CSRNP3: variants seen among roughly 807,000 people sequenced by gnomAD.
The protein encoded by CSRNP3 is cysteine and serine rich nuclear protein 3, also known as cysteine/serine-rich nuclear protein 3.
Under a neutral mutation model 48.0 loss-of-function variants are expected in CSRNP3, and 12 were observed. The observed-to-expected ratio is 0.25, with a 90% confidence interval of 0.16 to 0.41. The LOEUF (loss-of-function observed/expected upper bound fraction) is 0.41, where lower values mean the gene tolerates loss of function less well. Ranked by LOEUF, CSRNP3 falls within the 10% of genes least tolerant of loss-of-function variation. The pLI is 1.00. For missense variants in CSRNP3, 580 were observed against 724.4 expected, an observed-to-expected ratio of 0.80 and a Z score of 2.29; for synonymous variants, 263 against 269.7, an observed-to-expected ratio of 0.98 and a Z score of 0.24.
At chr2:165,561,844 G>A (rs1685236558) in intron 3 of CSRNP3, among the ~76,000 whole-genome samples, 1 of 151,940 alleles carries the variant, frequency 6.6e-6, no homozygotes, top group African/African-American at 2.4e-5. Context: ...AACTGGGATG[G>A]GCAGGGGATT....
intron 3 of CSRNP3, among the ~76,000 whole-genome samples, chr2:165,526,039 A>G (rs1684728639): frequency 6.6e-6 from 1 of 152,314 alleles, no homozygotes. Flanking sequence ...TTGTCAGAAA[A>G]TCAATCACAT....
Position 165,683,697 on chromosome 2 carries a change from G to C in CSRNP3, c.*3944G>C, listed in dbSNP as rs910810304. 2 of 152,000 alleles carry C rather than the reference G, an allele frequency of 1.3e-5. No individual in the cohort carries two copies. Among genetic ancestry groups the C allele is most frequent in the Non-Finnish European group, 2.9e-5 (2 of 67,970 alleles). 9.4% of individuals were successfully genotyped at this position (152,000 alleles called of 1,614,324 possible). ...TGTGTTAGAACAACTGTCTTGGGTA[G>C]TAAAAAGAGGGGAACACTACAAATT... On this transcript the variant is annotated 3_prime_UTR_variant, in exon 7 of 7. Transcript: ENST00000651982.
chr2:165,587,693 A>G (rs1685654133), intron 3 of CSRNP3, among the ~76,000 whole-genome samples: 2 of 152,204 alleles, frequency 1.3e-5, no homozygotes, highest in South Asian at 2.1e-4. Flanking sequence ...TGCATGAACT[A>G]GTCCAGTGTT....
At position 165,681,594 on chromosome 2, in the gene CSRNP3, C is replaced by G. The variant is rs1687539386; in HGVS notation, c.*1841C>G. On this transcript the variant is annotated 3_prime_UTR_variant, in exon 7 of 7. Transcript: ENST00000651982. ...CCTACATTGGGCCAAATTTATAACTCTTAATATTAACATTAAAAGAGCTTT... is the reference window on the plus strand; with the variant it reads ...CCTACATTGGGCCAAATTTATAACTGTTAATATTAACATTAAAAGAGCTTT... 1 of 151,084 alleles carries G rather than the reference C, an allele frequency of 6.6e-6. No homozygotes were observed. Among genetic ancestry groups the G allele is most frequent in the Admixed American group, 6.6e-5 (1 of 15,118 alleles). 9.4% of individuals were successfully genotyped at this position (151,084 alleles called of 1,614,324 possible). A position where few individuals can be genotyped will look rare whatever the true frequency, so the allele number is the denominator to read the frequency against.
intron 4 of CSRNP3, among the ~76,000 whole-genome samples, chr2:165,621,569 G>C (rs1306870169): frequency 6.6e-6 from 1 of 152,096 alleles, no homozygotes; most frequent in East Asian, 1.9e-4. Flanking sequence ...TTTTTAAAAG[G>C]AGTGTGGACC....
intron 3 of CSRNP3, among the ~76,000 whole-genome samples, chr2:165,520,783 T>TTATATACATATATATATA (rs1553472387): frequency 1.3e-4 from 4 of 29,692 alleles, no homozygotes; most frequent in Admixed American, 9.7e-4. Context: ...TATATATATA[T>TTATATACATATATATATA]TATATATATA....
chr2:165,640,940 CT>C (rs1322154449), intron 4 of CSRNP3, among the ~76,000 whole-genome samples: 1 of 152,112 alleles, frequency 6.6e-6, no homozygotes, highest in African/African-American at 2.4e-5. Context: ...GAATTCATAC[CT>C]ATAAAGCAAT....
chr2:165,607,712 G>A (rs1213339869), intron 4 of CSRNP3, among the ~76,000 whole-genome samples: 3 of 152,090 alleles, frequency 2.0e-5, no homozygotes, highest in Non-Finnish European at 4.4e-5. Flanking sequence ...TTGCTCTGAT[G>A]TTTCTTTCCC....
At chr2:165,539,562 A>G (rs1416476494) in intron 3 of CSRNP3, among the ~76,000 whole-genome samples, 1 of 152,114 alleles carries the variant, frequency 6.6e-6, no homozygotes, top group African/African-American at 2.4e-5. Flanking sequence ...AGTCTGTTCC[A>G]TAATTTACAG....
chr2:165,628,226 C>T (rs1412697392), intron 4 of CSRNP3, among the ~76,000 whole-genome samples: 2 of 152,140 alleles, frequency 1.3e-5, no homozygotes, highest in East Asian at 3.8e-4. Context: ...TCCAGAGATT[C>T]CCCAACCCCT....
chr2:165,631,919 AG>A (rs1686544053), intron 4 of CSRNP3, among the ~76,000 whole-genome samples: 2 of 152,368 alleles, frequency 1.3e-5, no homozygotes, highest in African/African-American at 4.8e-5. Context: ...GGCCCTTTAA[AG>A]AAAAGATTAA....
chr2:165,682,111 AG>A lies in CSRNP3; in HGVS notation c.*2361del, dbSNP rs1241341510. ...CCAGCTCCAGCCTGAGCAAAGCTGA[AG>A]GGTAGAATGACAGTCCAGTTTCTGA... is the stretch of plus-strand genomic sequence containing the variant. On this transcript the variant is annotated 3_prime_UTR_variant, in exon 7 of 7. Transcript: ENST00000651982. 2.6e-5 allele frequency: 4 copies of A among 152,108 alleles called. No individual in the cohort carries two copies. Among genetic ancestry groups the A allele is most frequent in the African/African-American group, 9.6e-5 (4 of 41,512 alleles). The allele number at this position is 152,108 out of a possible 1,614,324, so 9.4% of individuals were successfully genotyped here.
intron 3 of CSRNP3, among the ~76,000 whole-genome samples, chr2:165,546,883 TAGAG>T (rs1184348443): frequency 3.9e-5 from 6 of 152,234 alleles, no homozygotes; most frequent in Non-Finnish European, 7.3e-5. Flanking sequence ...ACAACTGACT[TAGAG>T]AGAAGTGCAG....
At chr2:165,580,069 C>G (rs762502239) in intron 3 of CSRNP3, among the ~76,000 whole-genome samples, 13 of 151,952 alleles carry the variant, frequency 8.6e-5, no homozygotes, top group Non-Finnish European at 1.5e-4. Context: ...GCTGGGACTA[C>G]AGGCGCCTGC....
intron 3 of CSRNP3, among the ~76,000 whole-genome samples, chr2:165,550,087 A>G (rs1261817896): frequency 6.6e-6 from 1 of 152,212 alleles, no homozygotes; most frequent in Non-Finnish European, 1.5e-5. Context: ...TTTCAGATGT[A>G]GTGAAATGTT....
At chr2:165,484,733 G>A (rs1158667654) in intron 1 of CSRNP3, among the ~76,000 whole-genome samples, 1 of 152,156 alleles carries the variant, frequency 6.6e-6, no homozygotes, top group African/African-American at 2.4e-5. Flanking sequence ...CTGAAACGGA[G>A]TAGCATCCTA....
intron 1 of CSRNP3, among the ~76,000 whole-genome samples, chr2:165,494,203 G>A (rs1023081826): frequency 6.6e-6 from 1 of 152,062 alleles, no homozygotes; most frequent in East Asian, 1.9e-4. Flanking sequence ...CTGCTAAACT[G>A]ACTGGAAACA....
At chr2:165,667,100 A>C (rs1687245840) in intron 5 of CSRNP3, among the ~76,000 whole-genome samples, 1 of 29,330 alleles carries the variant, frequency 3.4e-5, no homozygotes, top group African/African-American at 1.0e-4. Context: ...AGAGAGAGAA[A>C]AGGAAGGAAG....
At chr2:165,481,894 A>G (rs1684048325) in intron 1 of CSRNP3, among the ~76,000 whole-genome samples, 1 of 152,096 alleles carries the variant, frequency 6.6e-6, no homozygotes, top group African/African-American at 2.4e-5. Context: ...ACATATGGAC[A>G]CAAAGACGGG....
Sources: gnomAD v4.1 joint callset for allele counts (sites outside exome capture counted in the v4.1 genomes callset) on GRCh38, gnomAD v4.1.1 for gene constraint, MANE v1.5 for transcripts, NCBI Gene and HGNC (gene_info 2026-07-23, HGNC 2026-07-21) for gene names.